Variants in RAI14 observed in about 807,000 individuals in gnomAD.
RAI14 encodes retinoic acid induced 14, also known as ankycorbin.
A neutral mutation model predicts 115.4 loss-of-function variants in RAI14; 45 were observed. That is an observed-to-expected ratio of 0.39 (90% CI 0.31 to 0.50). The LOEUF is 0.50. Among genes scored for constraint, RAI14 ranks in the 20% least tolerant of loss-of-function variants. The pLI is 0.85. For missense variants in RAI14, 939 were observed against 1,131.2 expected, an observed-to-expected ratio of 0.83 and a Z score of 2.44; for synonymous variants, 371 against 415.4, an observed-to-expected ratio of 0.89 and a Z score of 1.30.
intron 2 of RAI14, among the ~76,000 whole-genome samples, chr5:34,706,610 T>C (rs909266772): frequency 1.3e-5 from 2 of 152,218 alleles, no homozygotes; most frequent in Non-Finnish European, 2.9e-5. Context: ...TACATTGATG[T>C]TGGGCCTATT....
At chr5:34,712,770 C>G (rs1741548180) in intron 2 of RAI14, among the ~76,000 whole-genome samples, 1 of 152,072 alleles carries the variant, frequency 6.6e-6, no homozygotes, top group Non-Finnish European at 1.5e-5. Context: ...CATGTCAGGT[C>G]TCTTTATTAC....
At chr5:34,794,204 C>T (rs1012627677) in intron 3 of RAI14, among the ~76,000 whole-genome samples, 1 of 152,112 alleles carries the variant, frequency 6.6e-6, no homozygotes, top group Non-Finnish European at 1.5e-5. Flanking sequence ...GTGTGGATCA[C>T]ATGAGGTCAG....
intron 2 of RAI14, among the ~76,000 whole-genome samples, chr5:34,731,221 A>G (rs1744130027): frequency 6.6e-6 from 1 of 152,148 alleles, no homozygotes; most frequent in African/African-American, 2.4e-5. Context: ...GTGTTTGGTT[A>G]TGTGGTTATG....
intron 2 of RAI14, among the ~76,000 whole-genome samples, chr5:34,745,831 T>C (rs1357226517): frequency 6.6e-6 from 1 of 152,194 alleles, no homozygotes; most frequent in Non-Finnish European, 1.5e-5. Flanking sequence ...AGCATTACCA[T>C]GTGTAGGGCT....
At chr5:34,682,262 ACCT>A (rs1426439902) in intron 1 of RAI14, among the ~76,000 whole-genome samples, 1 of 151,890 alleles carries the variant, frequency 6.6e-6, no homozygotes, top group Non-Finnish European at 1.5e-5. Flanking sequence ...CATTCACTTC[ACCT>A]CCTGAAAGTG....
intron 4 of RAI14, among the ~76,000 whole-genome samples, chr5:34,801,778 A>G (rs1021813777): frequency 1.3e-5 from 2 of 152,082 alleles, no homozygotes; most frequent in African/African-American, 4.8e-5. Context: ...CCATCATATA[A>G]AGAAGTTGTT....
rs1757221133 is a variant in RAI14 at position 34,824,324 on chromosome 5, G to A, written c.2482G>A (p.Val828Ile). The A allele has an allele frequency of 1.2e-6, 2 of 1,614,050 alleles. No individual in the cohort carries two copies. Among genetic ancestry groups the A allele is most frequent in the African/African-American group, 2.7e-5 (2 of 75,018 alleles). The change falls in exon 15 of 18, where the codon GTC becomes ATC. Residue 828 changes from valine (V) to isoleucine (I), a missense_variant. By Grantham distance (29) the Val-to-Ile change is conservative (BLOSUM62 3). Coordinates refer to ENST00000265109, the MANE Select transcript of RAI14 (RefSeq NM_015577.3). The part of the protein sequence containing the change: ...HSEVVQIRSE[V>I]SQVKREKENI... ...AGAGGTTGTCCAGATTAGAAGTGAG[G>A]TCTCACAGGTGAAAAGAGAAAAGGA... is the stretch of plus-strand genomic sequence containing the variant.
chr5:34,689,630 T>A (rs1241439047), intron 2 of RAI14, among the ~76,000 whole-genome samples: 1 of 152,028 alleles, frequency 6.6e-6, no homozygotes, highest in Non-Finnish European at 1.5e-5. Context: ...CCCAGCTACT[T>A]GGGAGGCTGA....
chr5:34,756,477 C>T (rs1747891669), intron 2 of RAI14, among the ~76,000 whole-genome samples: 1 of 152,186 alleles, frequency 6.6e-6, no homozygotes, highest in African/African-American at 2.4e-5. Context: ...AGAAAGTGGG[C>T]TTAGCTCAGG....
At chr5:34,767,530 G>C (rs1432670279) in intron 3 of RAI14, among the ~76,000 whole-genome samples, 1 of 152,050 alleles carries the variant, frequency 6.6e-6, no homozygotes, top group Admixed American at 6.5e-5. Context: ...TTCTTTAGAA[G>C]CACTTCTGCT....
chr5:34,821,913 G>A, intron 14 of RAI14, 63 bp downstream of exon 14: 1 of 856,884 alleles, frequency 1.2e-6, no homozygotes. Flanking sequence ...CTTTTCAGTA[G>A]TCAGATGTAT....
At chr5:34,787,147 C>T (rs71615828) in intron 3 of RAI14, among the ~76,000 whole-genome samples, 33,543 of 152,138 alleles carry the variant, frequency 0.22, 5,043 homozygotes, top group Non-Finnish European at 0.31. Context: ...ATGGCCATCA[C>T]GAACATGTCA....
intron 3 of RAI14, among the ~76,000 whole-genome samples, chr5:34,782,453 T>C (rs1021600705): frequency 6.6e-6 from 1 of 152,242 alleles, no homozygotes; most frequent in African/African-American, 2.4e-5. Context: ...AATGGGTTAC[T>C]AGCTCCTAAT....
At chr5:34,743,754 C>T (rs185903441) in intron 2 of RAI14, among the ~76,000 whole-genome samples, 9 of 152,320 alleles carry the variant, frequency 5.9e-5, no homozygotes, top group Non-Finnish European at 1.2e-4. Context: ...CATAGAAGAT[C>T]CCTTCTTTCA....
chr5:34,735,291 C>T (rs866871831), intron 2 of RAI14, among the ~76,000 whole-genome samples: 12 of 152,070 alleles, frequency 7.9e-5, no homozygotes, highest in Non-Finnish European at 1.6e-4. Context: ...AACTTGTTTA[C>T]GGTGAATCTT....
intron 3 of RAI14, among the ~76,000 whole-genome samples, chr5:34,784,394 A>G (rs1752035375): frequency 6.6e-6 from 1 of 152,256 alleles, no homozygotes; most frequent in African/African-American, 2.4e-5. Flanking sequence ...TCAAAAATTG[A>G]AACAATTTTG....
intron 2 of RAI14, among the ~76,000 whole-genome samples, chr5:34,730,760 A>G (rs1482763017): frequency 6.6e-6 from 1 of 151,434 alleles, no homozygotes; most frequent in Non-Finnish European, 1.5e-5. Context: ...AGGCAGGAGG[A>G]TCACTTGAGG....
chr5:34,794,287 G>A (rs1753254735), intron 3 of RAI14, among the ~76,000 whole-genome samples: 2 of 151,978 alleles, frequency 1.3e-5, no homozygotes, highest in African/African-American at 2.4e-5. Context: ...ACTGGGTGTG[G>A]TGGCACATGC....
intron 1 of RAI14, among the ~76,000 whole-genome samples, chr5:34,670,272 A>G (rs1206755535): frequency 1.4e-4 from 22 of 152,170 alleles, no homozygotes. Context: ...CGTGCAGCCC[A>G]GTGTCACGTG....
Sources: gnomAD v4.1 joint callset for allele counts (sites outside exome capture counted in the v4.1 genomes callset) on GRCh38, gnomAD v4.1.1 for gene constraint, MANE v1.5 for transcripts, NCBI Gene and HGNC (gene_info 2026-07-23, HGNC 2026-07-21) for gene names.